Variants in ARFGEF3 observed in about 807,000 individuals in gnomAD.
ARFGEF3 encodes ARFGEF family member 3.
ARFGEF3 carries 96 observed loss-of-function variants against 221.7 expected under a neutral mutation model. The ratio of observed to expected loss-of-function variants is 0.43; its 90% CI spans 0.37 to 0.51. The LOEUF (loss-of-function observed/expected upper bound fraction) is 0.51. Ranked by LOEUF, ARFGEF3 falls within the 20% of genes least tolerant of loss-of-function variation. The probability of loss-of-function intolerance (pLI) is 0.00; values close to 1 mark genes in which losing one functional copy is unlikely to be tolerated. For missense variants in ARFGEF3, 2,410 were observed against 2,789.9 expected (o/e 0.86, Z 3.07); for synonymous variants, 1,145 against 1,126.8 (o/e 1.02, Z -0.32).
intron 31 of ARFGEF3, 83 bp downstream of exon 31, chr6:138,324,237 C>T (rs1033092217): frequency 6.7e-7 from 1 of 1,498,768 alleles, no homozygotes; most frequent in African/African-American, 1.4e-5. Flanking sequence ...TCTCGCATCA[C>T]CAAATTGCCT....
intron 2 of ARFGEF3, among the ~76,000 whole-genome samples, chr6:138,186,382 G>A (rs1777182399): frequency 6.6e-6 from 1 of 152,170 alleles, no homozygotes; most frequent in African/African-American, 2.4e-5. Context: ...GATTCTCTTG[G>A]CCTTCCATTA....
intron 32 of ARFGEF3, among the ~76,000 whole-genome samples, chr6:138,332,960 T>TA (rs1780254560): frequency 6.6e-6 from 1 of 152,216 alleles, no homozygotes; most frequent in Non-Finnish European, 1.5e-5. Flanking sequence ...TTTTCCTACT[T>TA]ACACAAATTT....
intron 2 of ARFGEF3, among the ~76,000 whole-genome samples, chr6:138,171,912 T>G (rs1371642519): frequency 6.6e-6 from 1 of 152,218 alleles, no homozygotes; most frequent in Non-Finnish European, 1.5e-5. Flanking sequence ...TTGGGCTGTT[T>G]CCAGGGTTTT....
chr6:138,263,384 A>G lies in ARFGEF3; in HGVS notation c.1901A>G (p.Asn634Ser). ...GACGTGTCAGACATTGGGTCGGACA[A>G]CTGTTCACTAGCCGATGAAGAGCAG... ...RSDVSDIGSD[N>S]CSLADEEQTP... is the part of the protein sequence containing the mutation. Residue 634 changes from asparagine to serine, a missense_variant, in exon 12 of 34, where the codon AAC becomes AGC. Asn to Ser is a conservative substitution (Grantham distance 46). Transcript: ENST00000251691. 6.2e-7 allele frequency: 1 copy of G among 1,614,024 alleles called. No homozygotes were observed. Among genetic ancestry groups the G allele is most frequent in the South Asian group, 1.1e-5 (1 of 91,078 alleles).
At position 138,342,859 on chromosome 6, in the gene ARFGEF3, A is replaced by G. The variant is rs1780454819; in HGVS notation, c.*6373A>G. On this transcript the variant is annotated 3_prime_UTR_variant, in exon 34 of 34. Transcript: ENST00000251691. ...TTTTCTGGCGTAAATTAACATTTTA[A>G]TTTCATATATATCTGTAAAGAGTCT... is the stretch of plus-strand genomic sequence containing the variant. 2.0e-5 allele frequency: 3 copies of G among 152,284 alleles called. No homozygotes were observed. Among genetic ancestry groups the G allele is most frequent in the Admixed American group, 2.0e-4 (3 of 15,306 alleles). The allele number at this position is 152,284 out of a possible 1,614,324, so 9.4% of individuals were successfully genotyped here. A position where few individuals can be genotyped will look rare whatever the true frequency, so the allele number is the denominator to read the frequency against.
In ARFGEF3 at chr6:138,208,685, G is replaced by C. The variant is rs185586844; in HGVS notation, c.220-1225G>C. Among the ~76,000 whole-genome samples, 278 of 152,304 alleles carry C rather than the reference G, an allele frequency of 1.8e-3. 2 individuals are homozygous for C. The highest frequency in any genetic ancestry group is 2.4e-3 in the Admixed American group (36 of 15,304). On this transcript the variant is annotated intron_variant, in intron 3 of 33. Coordinates refer to ENST00000251691, the MANE Select transcript of ARFGEF3 (RefSeq NM_020340.5). ...GTGAATGAGAATTAGGGGTTTCAGG[G>C]TGAAATTGTATGCCTCATTCACAGG...
rs149266019 is a variant in ARFGEF3, at chr6:138,336,359, C to T, written c.6407C>T (p.Thr2136Met). ...QIQILPDQTF[T>M]ALQPAVFPCI... Reference sequence around the variant, plus strand: ...CAGATTCTCCCAGACCAGACCTTCACGGCCCTCCAGCCCGCAGTGTTCCCG... The same window carrying T: ...CAGATTCTCCCAGACCAGACCTTCATGGCCCTCCAGCCCGCAGTGTTCCCG... Residue 2136 changes from threonine to methionine, a missense_variant, in exon 34 of 34, where the codon ACG becomes ATG. Transcript: ENST00000251691. The T allele has an allele frequency of 5.0e-6, 8 of 1,611,252 alleles. No homozygotes were observed. The Middle Eastern group carries it at 8.3e-4, about 166-fold the overall frequency.
At chr6:138,234,995 C>T (rs1778258763) in intron 5 of ARFGEF3, among the ~76,000 whole-genome samples, 2 of 152,112 alleles carry the variant, frequency 1.3e-5, no homozygotes, top group South Asian at 4.2e-4. Flanking sequence ...TTTGTGATCC[C>T]TTTGGCCAAC....
intron 2 of ARFGEF3, among the ~76,000 whole-genome samples, chr6:138,177,489 A>G (rs1776978007): frequency 6.6e-6 from 1 of 152,058 alleles, no homozygotes; most frequent in African/African-American, 2.4e-5. Flanking sequence ...TTTTTCTGGG[A>G]ATTGCTGGGC....
intron 14 of ARFGEF3, among the ~76,000 whole-genome samples, chr6:138,284,328 CAAAA>C (rs1232187551): frequency 6.6e-6 from 1 of 152,036 alleles, no homozygotes; most frequent in Non-Finnish European, 1.5e-5. Context: ...CAAAAACAAA[CAAAA>C]AACCCACAAC....
At chr6:138,244,665 C>T (rs946954178) in intron 7 of ARFGEF3, among the ~76,000 whole-genome samples, 1 of 152,146 alleles carries the variant, frequency 6.6e-6, no homozygotes, top group Non-Finnish European at 1.5e-5. Context: ...CAACAAAGAC[C>T]ATGTGCCCTG....
At chr6:138,190,411 G>A (rs1244537769) in intron 2 of ARFGEF3, among the ~76,000 whole-genome samples, 8 of 152,174 alleles carry the variant, frequency 5.3e-5, no homozygotes, top group East Asian at 3.9e-4. Flanking sequence ...GATATGAGCC[G>A]AGCATGTGTT....
chr6:138,323,593 A>G, intron 29 of ARFGEF3, 78 bp from the exon 30 acceptor site: 1 of 1,373,182 alleles, frequency 7.3e-7, no homozygotes, highest in Non-Finnish European at 1.0e-6. Context: ...GCTGGGCAAC[A>G]AGAGCAAAAC....
At chr6:138,231,678 G>T (rs1167785994) in intron 5 of ARFGEF3, among the ~76,000 whole-genome samples, 4 of 152,184 alleles carry the variant, frequency 2.6e-5, no homozygotes, top group Non-Finnish European at 5.9e-5. Flanking sequence ...AACTCCTGTG[G>T]AAATGTAAAG....
At position 138,274,735 on chromosome 6, in the gene ARFGEF3, C is replaced by T. The variant is rs562211886; in HGVS notation, c.2129-3716C>T. ...GCTTGAACCTGGGAGGCAGAGGTTG[C>T]GGTGAGCCAAGATCGCGCCACTGCA... is the stretch of plus-strand genomic sequence containing the variant. On this transcript the variant is annotated intron_variant, in intron 12 of 33. Coordinates refer to ENST00000251691, the MANE Select transcript of ARFGEF3 (RefSeq NM_020340.5). 5.1e-5 allele frequency among the ~76,000 whole-genome samples: 7 copies of T among 138,344 alleles called. No homozygotes were observed. In the East Asian group the frequency reaches 6.5e-4, roughly 13 times the overall value. The allele number at this position is 138,344 out of a possible 152,430, so 90.8% of individuals were successfully genotyped here.
intron 26 of ARFGEF3, among the ~76,000 whole-genome samples, chr6:138,314,277 C>G (rs1779880672): frequency 6.6e-6 from 1 of 152,178 alleles, no homozygotes; most frequent in African/African-American, 2.4e-5. Context: ...GATACTAACT[C>G]ACGTTCATGA....
intron 2 of ARFGEF3, among the ~76,000 whole-genome samples, chr6:138,201,358 A>G (rs531916683): frequency 8.7e-4 from 133 of 152,368 alleles, no homozygotes; most frequent in Non-Finnish European, 1.4e-3. Context: ...TTCAGAAAAG[A>G]TACTTGCACA....
At chr6:138,193,897 T>C (rs6900961) in intron 2 of ARFGEF3, among the ~76,000 whole-genome samples, 37,301 of 152,100 alleles carry the variant, frequency 0.25, 6,670 homozygotes, top group African/African-American at 0.49. Context: ...GTAGCATAGA[T>C]GTTTCTGAAA....
rs1780298793 is a variant in ARFGEF3 at position 138,335,096 on chromosome 6, C to CCCGAGCTG, written c.6252_6259dup (p.Leu2087ProfsTer23). ...AATGCGGCATTCCTTCAGCGCAGGC[C>CCCGAGCTG]CCGAGCTGCTGCGACAGGACAAGAG... On this transcript the variant is annotated frameshift_variant, in exon 33 of 34. Coordinates refer to ENST00000251691, the MANE Select transcript of ARFGEF3 (RefSeq NM_020340.5). LOFTEE classifies it high-confidence loss of function. The CCCGAGCTG allele has an allele frequency of 6.2e-7, 1 of 1,601,280 alleles. No individual in the cohort carries two copies. The highest frequency in any genetic ancestry group is 8.5e-7 in the Non-Finnish European group (1 of 1,174,828).
Sources: allele counts gnomAD v4.1 joint callset (sites outside exome capture counted in the v4.1 genomes callset), GRCh38; gene constraint gnomAD v4.1.1; transcripts MANE v1.5; gene names NCBI Gene and HGNC (gene_info 2026-07-23, HGNC 2026-07-21).